The following CNOT10 variants were observed in gnomAD, a reference collection of about 807,000 sequenced individuals.
The protein encoded by CNOT10 is CCR4-NOT transcription complex, subunit 10.
In CNOT10, 30 loss-of-function variants were observed where a neutral mutation model predicts 94.6. The ratio of observed to expected loss-of-function variants is 0.32; its 90% CI spans 0.24 to 0.43. The LOEUF (loss-of-function observed/expected upper bound fraction) is 0.43, where lower values mean the gene tolerates loss of function less well. Among genes scored for constraint, CNOT10 ranks in the 20% least tolerant of loss-of-function variants. The probability of loss-of-function intolerance (pLI) is 1.00; values close to 1 mark genes in which losing one functional copy is unlikely to be tolerated. For synonymous variants in CNOT10, 289 were observed against 301.6 expected, an observed-to-expected ratio of 0.96 and a Z score of 0.43; for missense variants, 759 against 877.2, an observed-to-expected ratio of 0.87 and a Z score of 1.70.
At chr3:32,711,019 G>A (rs1697864088) in intron 4 of CNOT10, among the ~76,000 whole-genome samples, 1 of 152,154 alleles carries the variant, frequency 6.6e-6, no homozygotes, top group Non-Finnish European at 1.5e-5. Context: ...TGCCTAGCCA[G>A]TACTCAGATT....
At position 32,769,907 on chromosome 3, in the gene CNOT10, T is replaced by C; in HGVS notation, c.2025T>C (p.Pro675=). 1 of 1,614,042 alleles carries C rather than the reference T, an allele frequency of 6.2e-7. No individual in the cohort carries two copies. The highest frequency in any genetic ancestry group is 8.5e-7 in the Non-Finnish European group (1 of 1,179,928). The part of the protein sequence containing the change: ...CLHQAASMIH[P]KEVPPEAILL... ...CAAAGGCGGCTTCAATGATCCATCC[T>C]AAAGAGGTGCCCCCTGAGGCCATCT... Residue 675 remains proline, a synonymous_variant, in exon 18 of 19, where the codon CCT becomes CCC. Coordinates refer to ENST00000328834, the MANE Select transcript of CNOT10 (RefSeq NM_015442.3).
chr3:32,721,414 TA>T (rs1216875544), intron 8 of CNOT10, among the ~76,000 whole-genome samples: 2 of 133,838 alleles, frequency 1.5e-5, no homozygotes, highest in East Asian at 5.2e-4. Context: ...AAGTGAGACC[TA>T]ATTTTTCTTT....
intron 14 of CNOT10, among the ~76,000 whole-genome samples, chr3:32,760,447 C>A (rs565765745): frequency 6.6e-6 from 1 of 151,118 alleles, no homozygotes; most frequent in Non-Finnish European, 1.5e-5. Context: ...GCCCAGCCAA[C>A]GTGGTAAAAC....
chr3:32,717,122 GT>G, intron 6 of CNOT10, 31 bp from the exon 7 acceptor site: 13 of 1,328,120 alleles, frequency 9.8e-6, no homozygotes, highest in Non-Finnish European at 1.1e-5. Context: ...ATCCACCATA[GT>G]TTTAACATAC....
chr3:32,725,291 T>G (rs540036421), intron 8 of CNOT10, among the ~76,000 whole-genome samples, 159 bp from the exon 9 acceptor site: 3 of 152,224 alleles, frequency 2.0e-5, no homozygotes, highest in Non-Finnish European at 4.4e-5. Context: ...TTTAAAATTT[T>G]TCAGATATTT....
chr3:32,755,808 C>T (rs1575297334), intron 13 of CNOT10, among the ~76,000 whole-genome samples: 1 of 139,106 alleles, frequency 7.2e-6, no homozygotes, highest in South Asian at 2.3e-4. Flanking sequence ...GATGGGCATT[C>T]TGGGGACCTA....
At chr3:32,700,787 T>C (rs868754121) in intron 1 of CNOT10, among the ~76,000 whole-genome samples, 3 of 152,188 alleles carry the variant, frequency 2.0e-5, no homozygotes, top group Non-Finnish European at 2.9e-5. Context: ...ATCACCTACC[T>C]ATGTTTGCAG....
At chr3:32,762,921 A>T in intron 15 of CNOT10, 58 bp downstream of exon 15, 2 of 1,446,816 alleles carry the variant, frequency 1.4e-6, no homozygotes, top group Non-Finnish European at 1.8e-6. Flanking sequence ...CTCCTGTCAT[A>T]ATTCAGGATG....
intron 10 of CNOT10, among the ~76,000 whole-genome samples, chr3:32,729,201 A>G (rs1246011902): frequency 1.3e-5 from 2 of 152,174 alleles, no homozygotes; most frequent in African/African-American, 4.8e-5. Flanking sequence ...GAGTTTATGG[A>G]TTACCAGGCT....
intron 9 of CNOT10, among the ~76,000 whole-genome samples, 174 bp downstream of exon 9, chr3:32,725,773 A>T (rs1442022113): frequency 6.6e-6 from 1 of 152,238 alleles, no homozygotes; most frequent in Non-Finnish European, 1.5e-5. Flanking sequence ...TTGAAGAGCA[A>T]TAACAAGGTG....
intron 9 of CNOT10, 104 bp from the exon 10 acceptor site, chr3:32,727,564 G>C (rs1698734857): frequency 1.4e-6 from 1 of 737,794 alleles, no homozygotes; most frequent in Non-Finnish European, 2.3e-6. Context: ...CAGGATTATT[G>C]GTGTTAAACA....
intron 2 of CNOT10, among the ~76,000 whole-genome samples, chr3:32,704,399 A>G (rs1697515096): frequency 6.6e-6 from 1 of 152,208 alleles, no homozygotes; most frequent in South Asian, 2.1e-4. Context: ...TATGAAAGAA[A>G]ACCTTATTTG....
chr3:32,711,149 A>G (rs767156741), intron 4 of CNOT10, among the ~76,000 whole-genome samples: 3 of 152,220 alleles, frequency 2.0e-5, no homozygotes, highest in Non-Finnish European at 4.4e-5. Flanking sequence ...TTAAGCTTCT[A>G]TTCTAATAGG....
intron 1 of CNOT10, among the ~76,000 whole-genome samples, chr3:32,701,114 A>C (rs1697322143): frequency 6.6e-6 from 1 of 152,162 alleles, no homozygotes. Context: ...GTCTCTACTA[A>C]AAATAAAAAA....
intron 1 of CNOT10, among the ~76,000 whole-genome samples, chr3:32,694,994 G>C (rs1696988301): frequency 6.6e-6 from 1 of 152,086 alleles, no homozygotes; most frequent in Admixed American, 6.6e-5. Context: ...CAAAGTGCTG[G>C]GATTACAAGC....
At chr3:32,748,743 C>T (rs1699824775) in intron 13 of CNOT10, among the ~76,000 whole-genome samples, 1 of 152,018 alleles carries the variant, frequency 6.6e-6, no homozygotes, top group Non-Finnish European at 1.5e-5. Flanking sequence ...AACACGTGAC[C>T]TCAAGTGACC....
intron 13 of CNOT10, among the ~76,000 whole-genome samples, chr3:32,750,928 T>C (rs1162261835): frequency 1.3e-5 from 2 of 152,212 alleles, no homozygotes; most frequent in Non-Finnish European, 2.9e-5. Context: ...TTGCTTATTA[T>C]AGAACATCTT....
At chr3:32,751,019 GA>G (rs1344914392) in intron 13 of CNOT10, among the ~76,000 whole-genome samples, 3 of 152,036 alleles carry the variant, frequency 2.0e-5, no homozygotes, top group African/African-American at 4.8e-5. Flanking sequence ...TAACAGAACT[GA>G]AAAAGGTAGG....
chr3:32,699,034 C>T (rs1362560012), intron 1 of CNOT10, among the ~76,000 whole-genome samples: 1 of 152,202 alleles, frequency 6.6e-6, no homozygotes, highest in Non-Finnish European at 1.5e-5. Context: ...GATCCACCCG[C>T]GTTGGCCTCC....
Sources: gnomAD v4.1 joint callset for allele counts (sites outside exome capture counted in the v4.1 genomes callset) on GRCh38, gnomAD v4.1.1 for gene constraint, MANE v1.5 for transcripts, NCBI Gene and HGNC (gene_info 2026-07-23, HGNC 2026-07-21) for gene names.